The following ROCK2 variants were observed in gnomAD, a reference collection of about 807,000 sequenced individuals.
The protein encoded by ROCK2 is Rho associated coiled-coil containing protein kinase 2, also known as rho-associated protein kinase 2.
Under a neutral mutation model 195.1 loss-of-function variants are expected in ROCK2, and 61 were observed. The observed-to-expected ratio is 0.31, with a 90% confidence interval of 0.25 to 0.39. ROCK2 has a LOEUF of 0.39. ROCK2 is among the 10% of genes least tolerant of loss of function. The pLI is 1.00. For synonymous variants in ROCK2, 504 were observed against 545.5 expected, an observed-to-expected ratio of 0.92 and a Z score of 1.06; for missense variants, 1,109 against 1,637.4, an observed-to-expected ratio of 0.68 and a Z score of 5.57.
chr2:11,326,443 G>A (rs1572411765), intron 1 of ROCK2, among the ~76,000 whole-genome samples: 1 of 152,204 alleles, frequency 6.6e-6, no homozygotes, highest in Admixed American at 6.5e-5. Flanking sequence ...TTTAGTGAAT[G>A]ATGAGAGAAG....
intron 32 of ROCK2, among the ~76,000 whole-genome samples, chr2:11,188,084 C>T (rs1434259393): frequency 1.3e-5 from 2 of 149,720 alleles, no homozygotes; most frequent in Non-Finnish European, 1.5e-5. Flanking sequence ...GAAATACCCT[C>T]TAGCCAAACT....
intron 18 of ROCK2, among the ~76,000 whole-genome samples, chr2:11,210,456 T>C (rs951943238): frequency 2.0e-5 from 3 of 151,634 alleles, no homozygotes; most frequent in Non-Finnish European, 4.4e-5. Flanking sequence ...ATACTGAGAG[T>C]CCTACTCCCA....
Position 11,192,102 on chromosome 2 carries a change from T to C in ROCK2, c.4163+46A>G, listed in dbSNP as rs779333705. ...TAGTTTGAACATAAATAGCAAAATATTTTAATAGACTTTTTTTTTTTCCTT... is the reference window on the plus strand; with the variant it reads ...TAGTTTGAACATAAATAGCAAAATACTTTAATAGACTTTTTTTTTTTCCTT... On this transcript the variant is annotated intron_variant, in intron 32 of 32. Transcript: ENST00000315872. The surrounding 1 kb of genome is among the most constrained non-coding windows in gnomAD (Gnocchi z 5.0). 1 of 1,385,878 alleles carries C rather than the reference T, an allele frequency of 7.2e-7. No individual in the cohort carries two copies. Among genetic ancestry groups the C allele is most frequent in the East Asian group, 2.3e-5 (1 of 43,314 alleles). The allele number at this position is 1,385,878 out of a possible 1,614,324, so 85.8% of individuals were successfully genotyped here. A position where few individuals can be genotyped will look rare whatever the true frequency, so the allele number is the denominator to read the frequency against.
intron 1 of ROCK2, among the ~76,000 whole-genome samples, chr2:11,325,899 C>T (rs940729625): frequency 2.6e-5 from 4 of 152,006 alleles, no homozygotes; most frequent in Non-Finnish European, 5.9e-5. Context: ...TAAGAGGTAA[C>T]GCTGATAAGA....
At chr2:11,286,491 C>CAA in intron 3 of ROCK2, 48 bp downstream of exon 3, 1 of 1,226,682 alleles carries the variant, frequency 8.2e-7, no homozygotes, top group Non-Finnish European at 1.2e-6. Context: ...TAATGCTTCA[C>CAA]AAAACCATGA....
chr2:11,257,686 C>T (rs1045812031), intron 3 of ROCK2, among the ~76,000 whole-genome samples: 17 of 151,378 alleles, frequency 1.1e-4, no homozygotes, highest in Admixed American at 1.0e-3. Context: ...TTAGAGATGG[C>T]GGCCCATGGG....
At chr2:11,275,299 T>C (rs999898958) in intron 3 of ROCK2, among the ~76,000 whole-genome samples, 1 of 151,812 alleles carries the variant, frequency 6.6e-6, no homozygotes, top group Non-Finnish European at 1.5e-5. Flanking sequence ...TTATACAATA[T>C]ACTTTAATAG....
Position 11,227,267 on chromosome 2 carries a change from A to G in ROCK2, c.855T>C (p.Tyr285=), listed in dbSNP as rs1340010461. 6.2e-7 allele frequency: 1 copy of G among 1,612,236 alleles called. No individual in the cohort carries two copies. Among genetic ancestry groups the G allele is most frequent in the Admixed American group, 1.7e-5 (1 of 59,934 alleles). ...ATATTTACTTACCCACTAGCATCTC[A>G]TAAAGGAAAACACCTACAGACCACC... The part of the protein sequence containing the change: ...CDWWSVGVFL[Y]EMLVGDTPFY... Residue 285 remains tyrosine, a synonymous_variant, in exon 6 of 33, where the codon TAT becomes TAC. Transcript: ENST00000315872.
At chr2:11,340,942 TCTC>T (rs1669085168) in intron 1 of ROCK2, among the ~76,000 whole-genome samples, 1 of 152,104 alleles carries the variant, frequency 6.6e-6, no homozygotes, top group Non-Finnish European at 1.5e-5. Context: ...TAGAAAAATA[TCTC>T]TTCAGCAAAG....
chr2:11,343,487 G>C lies in ROCK2; in HGVS notation c.141+509C>G, dbSNP rs1669173878. Among the ~76,000 whole-genome samples, 4 of 152,306 alleles carry C rather than the reference G, an allele frequency of 2.6e-5. No individual in the cohort carries two copies. In the South Asian group the frequency reaches 8.3e-4, roughly 32 times the overall value. ...GCAAGTATGGAATGCTCAAACGCAA[G>C]TGAAAACAGCAAAACTTTAGCTGTG... On this transcript the variant is annotated intron_variant, in intron 1 of 32. Coordinates refer to ENST00000315872, the MANE Select transcript of ROCK2 (RefSeq NM_004850.5).
chr2:11,192,110 G>T lies in ROCK2; in HGVS notation c.4163+38C>A, dbSNP rs1473108076. 2 of 1,389,348 alleles carry T rather than the reference G, an allele frequency of 1.4e-6. No individual in the cohort carries two copies. The highest frequency in any genetic ancestry group is 1.3e-5 in the South Asian group (1 of 77,694). 86.1% of individuals were successfully genotyped at this position (1,389,348 alleles called of 1,614,324 possible). A position where few individuals can be genotyped will look rare whatever the true frequency, so the allele number is the denominator to read the frequency against. ...ACATAAATAGCAAAATATTTTAATA[G>T]ACTTTTTTTTTTTCCTTACCACATT... On this transcript the variant is annotated intron_variant, in intron 32 of 32. Transcript: ENST00000315872. The surrounding 1 kb of genome is among the most constrained non-coding windows in gnomAD (Gnocchi z 5.0).
intron 1 of ROCK2, among the ~76,000 whole-genome samples, chr2:11,341,582 T>C (rs766387058): frequency 5.3e-5 from 8 of 152,230 alleles, no homozygotes; most frequent in Non-Finnish European, 8.8e-5. Context: ...CATCTTCTTT[T>C]GTCATCTTAG....
chr2:11,269,329 T>C (rs1666540771), intron 3 of ROCK2, among the ~76,000 whole-genome samples: 1 of 151,942 alleles, frequency 6.6e-6, no homozygotes, highest in Non-Finnish European at 1.5e-5. Flanking sequence ...CTGGCCAACA[T>C]GGCAAAACCC....
rs574402240 is a variant in ROCK2, at chr2:11,186,024, C to T, written c.4164-2584G>A. On this transcript the variant is annotated intron_variant, in intron 32 of 32. Transcript: ENST00000315872. ...GCATTTTCAAATAAAAAACCTGAGG[C>T]GATTTCTGATACAGCTGGTTAACTT... Among the ~76,000 whole-genome samples, 3 of 152,198 alleles carry T rather than the reference C, an allele frequency of 2.0e-5. No individual in the cohort carries two copies. The East Asian group carries it at 5.8e-4, about 29-fold the overall frequency.
At chr2:11,304,491 A>G (rs1052991368) in intron 1 of ROCK2, among the ~76,000 whole-genome samples, 8 of 152,136 alleles carry the variant, frequency 5.3e-5, no homozygotes, top group African/African-American at 1.9e-4. Flanking sequence ...TTTACAAATC[A>G]CCAACATTTT....
intron 3 of ROCK2, among the ~76,000 whole-genome samples, chr2:11,283,262 CA>C (rs70953382): frequency 0.8 from 109,626 of 136,228 alleles, 44,641 homozygotes; most frequent in East Asian, 0.97. Context: ...GACTCCGTCT[CA>C]AAAAAAAAAA....
At chr2:11,345,379 TC>T (rs1329887319), upstream of ROCK2, among the ~76,000 whole-genome samples, 28 of 151,954 alleles carry the variant, frequency 1.8e-4, no homozygotes, top group Admixed American at 1.1e-3. Flanking sequence ...TCGGGACCGT[TC>T]CGCCGCATTC....
chr2:11,340,399 G>A (rs948533730), intron 1 of ROCK2, among the ~76,000 whole-genome samples: 7 of 152,056 alleles, frequency 4.6e-5, no homozygotes, highest in South Asian at 2.1e-4. Flanking sequence ...AAGGGATTGC[G>A]GACCTGCACT....
chr2:11,223,458 G>T (rs1035583975), intron 7 of ROCK2, among the ~76,000 whole-genome samples: 3 of 152,116 alleles, frequency 2.0e-5, no homozygotes, highest in Non-Finnish European at 4.4e-5. Context: ...ATGCAGAGAT[G>T]AATGTGTGAG....
Sources: allele counts gnomAD v4.1 joint callset (sites outside exome capture counted in the v4.1 genomes callset), GRCh38; gene constraint gnomAD v4.1.1; non-coding constraint Gnocchi (gnomAD v3.1); transcripts MANE v1.5; gene names NCBI Gene and HGNC (gene_info 2026-07-23, HGNC 2026-07-21).